Variants in LYRM4 observed in about 807,000 individuals in gnomAD.
LYRM4 encodes LYR motif-containing protein 4.
A neutral mutation model predicts 11.7 loss-of-function variants in LYRM4; 9 were observed. That is an observed-to-expected ratio of 0.77 (90% CI 0.46 to 1.34). The LOEUF (loss-of-function observed/expected upper bound fraction) is 1.34, where lower values mean the gene tolerates loss of function less well. Among genes scored for constraint, LYRM4 ranks in the 40% most tolerant of loss-of-function variants. LYRM4 has a pLI of 0.00. For synonymous variants in LYRM4, 42 were observed against 40.4 expected (o/e 1.04, Z -0.15); for missense variants, 133 against 112.5 (o/e 1.18, Z -0.82).
At chr6:5,231,145 C>CG (rs1274310457) in intron 1 of LYRM4, among the ~76,000 whole-genome samples, 1 of 151,898 alleles carries the variant, frequency 6.6e-6, no homozygotes, top group Non-Finnish European at 1.5e-5. Flanking sequence ...GGCGTGGTGG[C>CG]GGGCACCTAT....
intron 2 of LYRM4, among the ~76,000 whole-genome samples, chr6:5,147,504 G>A (rs969129259): frequency 2.6e-5 from 4 of 152,218 alleles, no homozygotes; most frequent in African/African-American, 9.7e-5. Context: ...TGAGGTTACA[G>A]TTGAAACTAT....
chr6:5,222,774 A>G (rs538452133), intron 1 of LYRM4, among the ~76,000 whole-genome samples: 107 of 151,750 alleles, frequency 7.1e-4, no homozygotes, highest in African/African-American at 2.6e-3. Context: ...GAAAAAAAAA[A>G]AAAGAAAGAT....
At chr6:5,091,553 T>C in the LYRM4 span, among the ~76,000 whole-genome samples, 1 of 152,254 alleles carries the variant, frequency 6.6e-6, no homozygotes. Flanking sequence ...CATTTGCTTT[T>C]TGTGAAGTTT....
At chr6:5,113,126 T>TTAAG (rs1375249981) in intron 2 of LYRM4, 1 of 224,990 alleles carries the variant, frequency 4.4e-6, no homozygotes, top group Admixed American at 5.8e-5. Flanking sequence ...GGGGACCCAG[T>TTAAG]TAAGGGGCCA....
intron 2 of LYRM4, among the ~76,000 whole-genome samples, chr6:5,215,039 A>AT (rs11442956): frequency 0.39 from 57,366 of 145,486 alleles, 11,580 homozygotes; most frequent in East Asian, 0.59. Context: ...CCAGTTTAGT[A>AT]TTTTTTTTTT....
chr6:5,236,936 G>A (rs1039034334), intron 1 of LYRM4, among the ~76,000 whole-genome samples: 13 of 152,100 alleles, frequency 8.5e-5, no homozygotes, highest in Admixed American at 5.2e-4. Context: ...CAGCCAGAGT[G>A]ACAGTGAGAC....
At chr6:5,218,452 A>G in intron 1 of LYRM4, 9 of 896,518 alleles carry the variant, frequency 1.0e-5, no homozygotes, top group Non-Finnish European at 1.2e-5. Context: ...TTAAAGTAAA[A>G]AGGCATTTTA....
Position 5,211,797 on chromosome 6 carries a change from T to C in LYRM4, c.207+4821A>G, listed in dbSNP as rs552619003. On this transcript the variant is annotated intron_variant, in intron 2 of 2. Coordinates refer to ENST00000330636, the MANE Select transcript of LYRM4 (RefSeq NM_020408.6). ...GCACAATTATGTACTATAGTAACAA[T>C]ATATTTTTTCATCCAAATACTTAGA... Among the ~76,000 whole-genome samples, 3 of 152,342 alleles carry C rather than the reference T, an allele frequency of 2.0e-5. No homozygotes were observed. The East Asian group carries it at 5.8e-4, about 29-fold the overall frequency.
chr6:5,138,052 A>G (rs891021736), intron 2 of LYRM4, among the ~76,000 whole-genome samples: 1 of 152,184 alleles, frequency 6.6e-6, no homozygotes, highest in African/African-American at 2.4e-5. Context: ...GCAAAGAAAA[A>G]TACAATGGTG....
intron 2 of LYRM4, among the ~76,000 whole-genome samples, chr6:5,118,386 G>A (rs1476902182): frequency 1.3e-5 from 2 of 152,112 alleles, no homozygotes; most frequent in African/African-American, 4.8e-5. Flanking sequence ...TAAAGTGCTA[G>A]GATTACAGGC....
At chr6:5,136,315 C>T in intron 2 of LYRM4, 2 of 985,418 alleles carry the variant, frequency 2.0e-6, no homozygotes, top group Non-Finnish European at 2.4e-6. Flanking sequence ...AATCAGTATT[C>T]TTCTAAATGA....
intron 1 of LYRM4, among the ~76,000 whole-genome samples, chr6:5,229,336 C>G (rs1309605684): frequency 7.2e-5 from 11 of 152,126 alleles, no homozygotes; most frequent in Admixed American, 7.2e-4. Flanking sequence ...TGGAAATGGC[C>G]AATGTGGTGG....
intron 2 of LYRM4, among the ~76,000 whole-genome samples, chr6:5,148,719 C>G (rs1434617840): frequency 6.6e-6 from 1 of 152,108 alleles, no homozygotes; most frequent in East Asian, 1.9e-4. Context: ...TCTCCCATAA[C>G]TTTACCAACA....
chr6:5,103,491 C>T (rs1222615366), downstream of LYRM4: 1 of 152,208 alleles, frequency 6.6e-6, no homozygotes, highest in Non-Finnish European at 1.5e-5. Context: ...GGGTTCAGAC[C>T]CTACTTATCA....
chr6:5,257,809 A>G (rs1382641565), intron 1 of LYRM4, among the ~76,000 whole-genome samples: 1 of 152,122 alleles, frequency 6.6e-6, no homozygotes, highest in African/African-American at 2.4e-5. Context: ...CTTCCATGAA[A>G]TTGGTTCCTG....
intron 2 of LYRM4, among the ~76,000 whole-genome samples, chr6:5,182,164 AT>A (rs1183843987): frequency 6.6e-6 from 1 of 151,964 alleles, no homozygotes; most frequent in East Asian, 1.9e-4. Flanking sequence ...AACTGCAGCT[AT>A]TTTTTTTCTT....
At chr6:5,119,051 A>C (rs976206701) in intron 2 of LYRM4, among the ~76,000 whole-genome samples, 4 of 152,234 alleles carry the variant, frequency 2.6e-5, no homozygotes, top group Non-Finnish European at 5.9e-5. Flanking sequence ...CATGTGAAAG[A>C]AGCCAGGGGT....
At chr6:5,100,951 C>G (rs1284125865), downstream of LYRM4, among the ~76,000 whole-genome samples, 1 of 152,214 alleles carries the variant, frequency 6.6e-6, no homozygotes, top group Non-Finnish European at 1.5e-5. Flanking sequence ...CACACAGACA[C>G]TGCCCCGTCC....
chr6:5,091,772 C>T, the LYRM4 span, among the ~76,000 whole-genome samples: 1 of 152,184 alleles, frequency 6.6e-6, no homozygotes, highest in Non-Finnish European at 1.5e-5. Context: ...GTCATGAGTT[C>T]AGAGCAAGTT....
Sources: allele counts gnomAD v4.1 joint callset (sites outside exome capture counted in the v4.1 genomes callset), GRCh38; gene constraint gnomAD v4.1.1; transcripts MANE v1.5; gene names NCBI Gene and HGNC (gene_info 2026-07-23, HGNC 2026-07-21).